The following RERE variants were observed in gnomAD, a reference collection of about 807,000 sequenced individuals.
RERE encodes arginine-glutamic acid dipeptide repeats protein.
A neutral mutation model predicts 146.1 loss-of-function variants in RERE; 40 were observed. That is an observed-to-expected ratio of 0.27 (90% CI 0.21 to 0.36). The LOEUF (loss-of-function observed/expected upper bound fraction) is 0.36, where lower values mean the gene tolerates loss of function less well. Ranked by LOEUF, RERE falls within the 10% of genes least tolerant of loss-of-function variation. The pLI, the probability that RERE is intolerant of heterozygous loss-of-function variation, is 1.00. For missense variants in RERE, 1,933 were observed against 2,138.7 expected, an observed-to-expected ratio of 0.90 and a Z score of 1.90; for synonymous variants, 1,003 against 866.0, an observed-to-expected ratio of 1.16 and a Z score of -2.78.
At chr1:8,412,825 C>T (rs555213462) in intron 12 of RERE, among the ~76,000 whole-genome samples, 3 of 152,326 alleles carry the variant, frequency 2.0e-5, no homozygotes, top group South Asian at 2.1e-4. Context: ...CTGTCTATTA[C>T]ACAAAGTCTA....
chr1:8,786,947 G>A (rs1034189424), intron 1 of RERE: 11 of 684,476 alleles, frequency 1.6e-5, no homozygotes, highest in African/African-American at 5.3e-5. Context: ...GTTCCAGCTG[G>A]TAAAGATCGC....
chr1:8,631,606 T>C (rs547737390), intron 2 of RERE, among the ~76,000 whole-genome samples: 3 of 152,328 alleles, frequency 2.0e-5, no homozygotes, highest in South Asian at 4.1e-4. Flanking sequence ...TGGACACTTA[T>C]ATTACCCAAG....
At chr1:8,425,000 G>C (rs557703281) in intron 11 of RERE, 1 of 152,398 alleles carries the variant, frequency 6.6e-6, no homozygotes, top group Non-Finnish European at 1.5e-5. Flanking sequence ...CAGGCCGCAC[G>C]GAAGAGTTCC....
At chr1:8,510,626 A>G (rs1645322778) in intron 7 of RERE, among the ~76,000 whole-genome samples, 1 of 152,218 alleles carries the variant, frequency 6.6e-6, no homozygotes, top group South Asian at 2.1e-4. Flanking sequence ...CAGCGTTACC[A>G]CTATTTCCCT....
intron 1 of RERE, among the ~76,000 whole-genome samples, chr1:8,801,235 G>A (rs571708018): frequency 1.2e-4 from 18 of 151,658 alleles, no homozygotes; most frequent in Admixed American, 2.6e-4. Flanking sequence ...ACTCCAACCT[G>A]GACGGCAAAA....
intron 6 of RERE, among the ~76,000 whole-genome samples, chr1:8,543,117 T>C (rs1204947349): frequency 6.6e-6 from 1 of 152,208 alleles, no homozygotes; most frequent in Non-Finnish European, 1.5e-5. Context: ...AGAAGTGCTA[T>C]AGTATTCATA....
chr1:8,652,749 T>C (rs1235317440), intron 2 of RERE, among the ~76,000 whole-genome samples: 1 of 152,190 alleles, frequency 6.6e-6, no homozygotes, highest in South Asian at 2.1e-4. Flanking sequence ...ATGATTCATT[T>C]ATCTCCACCT....
Position 8,360,538 on chromosome 1 carries a change from A to T in RERE, c.2969T>A (p.Leu990His), listed in dbSNP as rs781678683. The change falls in exon 18 of 23, where the codon CTC becomes CAC. Residue 990 changes from leucine to histidine, a missense_variant. Physicochemically the swap from Leu to His is moderately conservative, Grantham distance 99. Coordinates refer to ENST00000400908, the MANE Select transcript of RERE (RefSeq NM_001042681.2). ...GGGCAATGGCTGGCTCTGAGGCATG[A>T]GTTGCAGGGGTGGGGGGTGAGCCGA... is the stretch of plus-strand genomic sequence containing the variant. ...PPSAHPPPLQ[L>H]MPQSQPLPSS... is the part of the protein sequence containing the mutation. 1 of 735,120 alleles carries T rather than the reference A, an allele frequency of 1.4e-6. No individual in the cohort carries two copies. The allele number at this position is 735,120 out of a possible 1,614,324, so 45.5% of individuals were successfully genotyped here. A position where few individuals can be genotyped will look rare whatever the true frequency, so the allele number is the denominator to read the frequency against.
intron 12 of RERE, among the ~76,000 whole-genome samples, chr1:8,386,017 TA>T (rs1431757768): frequency 6.8e-4 from 28 of 41,014 alleles, no homozygotes; most frequent in East Asian, 4.7e-3. Flanking sequence ...TATATATATA[TA>T]TATATTTTTT....
chr1:8,656,974 G>A (rs1638330414), intron 1 of RERE, among the ~76,000 whole-genome samples: 2 of 152,082 alleles, frequency 1.3e-5, no homozygotes, highest in African/African-American at 4.8e-5. Flanking sequence ...ATTTCTACCT[G>A]AAAAAATAGT....
chr1:8,805,015 T>TG (rs1557553443), intron 1 of RERE, among the ~76,000 whole-genome samples: 1 of 141,960 alleles, frequency 7.0e-6, no homozygotes, highest in Non-Finnish European at 1.5e-5. Flanking sequence ...TTGGTTTTTT[T>TG]TTTTTTTTTT....
At chr1:8,684,257 T>C (rs1639036908) in intron 1 of RERE, among the ~76,000 whole-genome samples, 1 of 152,206 alleles carries the variant, frequency 6.6e-6, no homozygotes, top group South Asian at 2.1e-4. Flanking sequence ...AATGCTTCAA[T>C]GACCAAATAC....
intron 11 of RERE, among the ~76,000 whole-genome samples, chr1:8,464,280 C>A (rs80337942): frequency 0.048 from 7,279 of 152,254 alleles, 250 homozygotes; most frequent in Non-Finnish European, 0.073. Context: ...CTCCGCCTAG[C>A]TTTTCCCATT....
chr1:8,738,325 C>G (rs988368740), intron 1 of RERE, among the ~76,000 whole-genome samples: 1 of 151,976 alleles, frequency 6.6e-6, no homozygotes, highest in African/African-American at 2.4e-5. Context: ...CTCTGTCACT[C>G]AGGCTGGAGT....
At chr1:8,602,458 T>C (rs991925899) in intron 4 of RERE, among the ~76,000 whole-genome samples, 10 of 150,438 alleles carry the variant, frequency 6.6e-5, no homozygotes, top group Non-Finnish European at 1.3e-4. Context: ...AAAATTTATA[T>C]GCATGTATAT....
chr1:8,657,734 C>T (rs978141308), intron 1 of RERE, among the ~76,000 whole-genome samples: 3 of 152,134 alleles, frequency 2.0e-5, no homozygotes, highest in East Asian at 1.9e-4. Flanking sequence ...ATAGTCCCAG[C>T]TACTTGGGAG....
intron 10 of RERE, among the ~76,000 whole-genome samples, chr1:8,489,122 T>C (rs1644942586): frequency 6.6e-6 from 1 of 151,886 alleles, no homozygotes; most frequent in East Asian, 1.9e-4. Context: ...AGTGGGAAGA[T>C]CACTTGAGGC....
intron 2 of RERE, among the ~76,000 whole-genome samples, chr1:8,645,473 G>A (rs144748159): frequency 3.9e-5 from 6 of 152,080 alleles, no homozygotes; most frequent in Non-Finnish European, 5.9e-5. Flanking sequence ...TTATATCTGC[G>A]TTAGCTTGAA....
intron 1 of RERE, chr1:8,786,493 G>A: frequency 1.2e-6 from 1 of 857,892 alleles, no homozygotes; most frequent in East Asian, 2.4e-5. Context: ...TTCATTTACT[G>A]ACTTCAGATT....
Sources: gnomAD v4.1 joint callset for allele counts (sites outside exome capture counted in the v4.1 genomes callset) on GRCh38, gnomAD v4.1.1 for gene constraint, MANE v1.5 for transcripts, NCBI Gene and HGNC (gene_info 2026-07-23, HGNC 2026-07-21) for gene names.